PUM1: variants seen among roughly 807,000 people sequenced by gnomAD.
The protein encoded by PUM1 is pumilio RNA binding family member 1, also known as pumilio homolog 1.
A neutral mutation model predicts 131.8 loss-of-function variants in PUM1; 13 were observed. The observed-to-expected ratio is 0.10, with a 90% CI of 0.06 to 0.16. The LOEUF is 0.16. Ranked by LOEUF, PUM1 falls within the 10% of genes least tolerant of loss-of-function variation. The pLI, the probability that PUM1 is intolerant of heterozygous loss-of-function variation, is 1.00. For synonymous variants in PUM1, 509 were observed against 556.5 expected (o/e 0.91, Z 1.20); for missense variants, 961 against 1,512.4 (o/e 0.64, Z 6.05).
chr1:30,951,422 C>T (rs919557332), intron 16 of PUM1, among the ~76,000 whole-genome samples: 3 of 152,142 alleles, frequency 2.0e-5, no homozygotes, highest in Non-Finnish European at 4.4e-5. Context: ...TTGAGTACGT[C>T]AGTTTTTCAT....
chr1:30,999,609 A>C (rs1642126944), intron 5 of PUM1, among the ~76,000 whole-genome samples: 1 of 3,574 alleles, frequency 2.8e-4, no homozygotes. Context: ...TCTGTCTCAA[A>C]AAAAAAAAAA....
At chr1:31,032,388 AAGCT>A (rs2124553142) in intron 2 of PUM1, among the ~76,000 whole-genome samples, 1 of 152,296 alleles carries the variant, frequency 6.6e-6, no homozygotes, top group South Asian at 2.1e-4. Context: ...TAAAGGAGAA[AAGCT>A]AGCTGTCAAT....
intron 12 of PUM1, 34 bp from the exon 13 acceptor site, chr1:30,966,312 A>G: frequency 1.3e-6 from 2 of 1,534,782 alleles, no homozygotes; most frequent in Non-Finnish European, 1.8e-6. Flanking sequence ...TTGGCTATGA[A>G]AGGGACTGGC....
intron 15 of PUM1, among the ~76,000 whole-genome samples, chr1:30,952,721 GGA>G: frequency 7.8e-5 from 6 of 77,364 alleles, no homozygotes; most frequent in Admixed American, 1.4e-4. Flanking sequence ...CAGGAAGAGA[GGA>G]GGGGTGGAGG....
intron 15 of PUM1, 141 bp downstream of exon 15, chr1:30,953,573 G>C: frequency 1.1e-6 from 1 of 881,884 alleles, no homozygotes; most frequent in Non-Finnish European, 1.8e-6. Flanking sequence ...AAATCCCTAT[G>C]AAATAATGTG....
intron 14 of PUM1, among the ~76,000 whole-genome samples, chr1:30,960,035 C>T (rs949262484): frequency 1.1e-4 from 17 of 152,282 alleles, no homozygotes; most frequent in African/African-American, 4.1e-4. Context: ...TAAAAACCAA[C>T]TGTGATTATG....
At chr1:30,948,800 T>C (rs923016353) in intron 17 of PUM1, among the ~76,000 whole-genome samples, 2 of 151,938 alleles carry the variant, frequency 1.3e-5, no homozygotes, top group Non-Finnish European at 2.9e-5. Flanking sequence ...AATTCAACTA[T>C]CTATGAAAAT....
intron 16 of PUM1, among the ~76,000 whole-genome samples, chr1:30,951,634 C>G (rs890573862): frequency 1.3e-5 from 2 of 151,484 alleles, no homozygotes; most frequent in African/African-American, 4.9e-5. Context: ...GTCCCTGCCT[C>G]TCTGAAATTT....
chr1:30,954,354 G>A (rs1289130925), intron 14 of PUM1, among the ~76,000 whole-genome samples: 1 of 152,154 alleles, frequency 6.6e-6, no homozygotes, highest in African/African-American at 2.4e-5. Context: ...GACTGGAGTG[G>A]TTTTCCATTC....
chr1:31,049,823 CTTT>C (rs773718125), intron 2 of PUM1, among the ~76,000 whole-genome samples: 2,645 of 79,892 alleles, frequency 0.033, 43 homozygotes, highest in African/African-American at 0.13. Flanking sequence ...ACTGAACTTC[CTTT>C]TTTTTTTTTT....
At chr1:30,946,560 C>T (rs948166772) in intron 17 of PUM1, among the ~76,000 whole-genome samples, 3 of 148,706 alleles carry the variant, frequency 2.0e-5, no homozygotes, top group South Asian at 2.1e-4. Flanking sequence ...TTTCTTGAAC[C>T]GTGGAGGCGG....
intron 2 of PUM1, among the ~76,000 whole-genome samples, chr1:31,052,597 C>T (rs891199014): frequency 1.3e-5 from 2 of 151,922 alleles, no homozygotes; most frequent in African/African-American, 4.8e-5. Context: ...AAACTCCTGG[C>T]CTCAAGCAAC....
chr1:30,936,622 AC>A lies in PUM1; in HGVS notation c.3435+20del, dbSNP rs1455947743. On this transcript the variant is annotated intron_variant, in intron 21 of 21. Transcript: ENST00000426105. ...CAAGGCCTTGCACACTTTCTCTGAGACCCTGCCCAGCCCGGCCTACCTTATG... is the reference window on the plus strand; with the variant it reads ...CAAGGCCTTGCACACTTTCTCTGAGACCTGCCCAGCCCGGCCTACCTTATG... 6.2e-7 allele frequency: 1 copy of A among 1,601,102 alleles called. No homozygotes were observed. Among genetic ancestry groups the A allele is most frequent in the African/African-American group, 1.3e-5 (1 of 74,778 alleles).
intron 6 of PUM1, 118 bp downstream of exon 6, chr1:30,994,936 G>T: frequency 3.6e-6 from 4 of 1,123,392 alleles, no homozygotes; most frequent in African/African-American, 3.1e-5. Flanking sequence ...CACTAGATTG[G>T]ATTCTTAAAA....
At chr1:30,963,930 A>G (rs1003651973) in intron 14 of PUM1, among the ~76,000 whole-genome samples, 4 of 152,204 alleles carry the variant, frequency 2.6e-5, no homozygotes, top group African/African-American at 4.8e-5. Flanking sequence ...ACTGCGGGAG[A>G]GGAGTATGCA....
chr1:31,064,515 C>T (rs1277460567), intron 1 of PUM1, among the ~76,000 whole-genome samples: 3 of 152,026 alleles, frequency 2.0e-5, no homozygotes, highest in Non-Finnish European at 4.4e-5. Context: ...TTTTTAGGTG[C>T]TTTCAAGAAA....
At position 31,005,980 on chromosome 1, in the gene PUM1, A is replaced by T; in HGVS notation, c.593T>A (p.Phe198Tyr). 1 of 1,613,142 alleles carries T rather than the reference A, an allele frequency of 6.2e-7. No individual in the cohort carries two copies. Among genetic ancestry groups the T allele is most frequent in the African/African-American group, 1.3e-5 (1 of 74,998 alleles). The change falls in exon 5 of 22, where the codon TTC becomes TAC. Residue 198 changes from phenylalanine to tyrosine, a missense_variant. Coordinates refer to ENST00000426105, the MANE Select transcript of PUM1 (RefSeq NM_001020658.2). ...IMVQRRPGQS[F>Y]HVNSEVNSVL... is the part of the protein sequence containing the mutation. The stretch of plus-strand genomic sequence containing the variant: ...AGAATTGACCTCACTGTTCACATGG[A>T]AACTCTGACCAGGTCTTCTCTGCAC...
Position 30,933,260 on chromosome 1 carries a change from T to G in PUM1, c.3518A>C (p.Asn1173Thr), listed in dbSNP as rs1209922031. The change falls in exon 22 of 22, where the codon AAC becomes ACC. Residue 1173 changes from asparagine (N) to threonine (T), a missense_variant. Asn to Thr is a moderately conservative substitution (Grantham distance 65, BLOSUM62 0). Coordinates refer to ENST00000426105, the MANE Select transcript of PUM1 (RefSeq NM_001020658.2). The stretch of plus-strand genomic sequence containing the variant: ...ACAGATGGGCCCTAAGTCAACACCG[T>G]TCTTCATGTAGTACTTCTCCAGCTT... ...LAKLEKYYMKNGVDLGPICGP... is the reference protein window; with the variant it reads ...LAKLEKYYMKTGVDLGPICGP... 1 of 1,613,872 alleles carries G rather than the reference T, an allele frequency of 6.2e-7. No individual in the cohort carries two copies.
chr1:30,968,675 T>C (rs1043854514), intron 10 of PUM1, among the ~76,000 whole-genome samples, 183 bp from the exon 11 acceptor site: 1 of 152,216 alleles, frequency 6.6e-6, no homozygotes, highest in Non-Finnish European at 1.5e-5. Flanking sequence ...GGAATTTCAT[T>C]CTACCATTCT....
Sources: allele counts gnomAD v4.1 joint callset (sites outside exome capture counted in the v4.1 genomes callset), GRCh38; gene constraint gnomAD v4.1.1; transcripts MANE v1.5; gene names NCBI Gene and HGNC (gene_info 2026-07-23, HGNC 2026-07-21).